Variants in FSTL4 observed in about 807,000 individuals in gnomAD.
The protein encoded by FSTL4 is follistatin like 4.
Under a neutral mutation model 78.2 loss-of-function variants are expected in FSTL4, and 28 were observed. That is an observed-to-expected ratio of 0.36 (90% CI 0.27 to 0.49). The LOEUF (loss-of-function observed/expected upper bound fraction) is 0.49, where lower values mean the gene tolerates loss of function less well. FSTL4 is among the 20% of genes least tolerant of loss of function. FSTL4 has a pLI of 0.98. For missense variants in FSTL4, 922 were observed against 1,084.9 expected, an observed-to-expected ratio of 0.85 and a Z score of 2.11; for synonymous variants, 422 against 440.5, an observed-to-expected ratio of 0.96 and a Z score of 0.53.
At chr5:133,539,067 T>C (rs1171581921) in intron 3 of FSTL4, among the ~76,000 whole-genome samples, 1 of 152,186 alleles carries the variant, frequency 6.6e-6, no homozygotes, top group Non-Finnish European at 1.5e-5. Context: ...AGGTGATGAT[T>C]TGTCATTTGT....
At chr5:133,439,645 G>A (rs141456557) in intron 3 of FSTL4, among the ~76,000 whole-genome samples, 5 of 152,286 alleles carry the variant, frequency 3.3e-5, no homozygotes, top group African/African-American at 7.2e-5. Context: ...CTCTCCCTTC[G>A]TCTAAAACAG....
chr5:133,368,458 G>A (rs574904669), intron 4 of FSTL4, among the ~76,000 whole-genome samples: 1 of 152,334 alleles, frequency 6.6e-6, no homozygotes, highest in African/African-American at 2.4e-5. Flanking sequence ...TGATCTTAAT[G>A]TCTCCTTGTG....
At chr5:133,317,172 C>T (rs910345497) in intron 4 of FSTL4, among the ~76,000 whole-genome samples, 6 of 152,050 alleles carry the variant, frequency 3.9e-5, no homozygotes, top group Non-Finnish European at 1.5e-5. Flanking sequence ...TACTTCAAAA[C>T]AAACATATAC....
In FSTL4 at chr5:133,558,591, G is replaced by T. The variant is rs1012675933; in HGVS notation, c.160+8595C>A. On this transcript the variant is annotated intron_variant, in intron 3 of 15. Coordinates refer to ENST00000265342, the MANE Select transcript of FSTL4 (RefSeq NM_015082.2). ...GACACACGCTCCCTGACTTCCTGGA[G>T]AGTTCAAAGCAACATTCAACATTTT... is the stretch of plus-strand genomic sequence containing the variant. 6.2e-4 allele frequency among the ~76,000 whole-genome samples: 94 copies of T among 152,204 alleles called. 1 individual carries two copies. In the Middle Eastern group the frequency reaches 0.01, roughly 17 times the overall value.
At chr5:133,219,945 CAAATG>C (rs1310795215) in intron 12 of FSTL4, among the ~76,000 whole-genome samples, 1 of 152,208 alleles carries the variant, frequency 6.6e-6, no homozygotes, top group Non-Finnish European at 1.5e-5. Flanking sequence ...TGAAATAACT[CAAATG>C]AAACAGCCTG....
chr5:133,637,213 C>G, the FSTL4 span, among the ~76,000 whole-genome samples: 20 of 152,022 alleles, frequency 1.3e-4, 1 homozygote, highest in Non-Finnish European at 5.9e-5. Context: ...GCTCACTTCT[C>G]TCTTCTCTGT....
intron 3 of FSTL4, among the ~76,000 whole-genome samples, chr5:133,444,095 G>A (rs916201237): frequency 1.4e-4 from 22 of 152,196 alleles, no homozygotes; most frequent in African/African-American, 4.3e-4. Flanking sequence ...CTGGATTGGT[G>A]ACTGCTGTAT....
At chr5:133,701,000 G>A in the FSTL4 span, among the ~76,000 whole-genome samples, 1 of 152,288 alleles carries the variant, frequency 6.6e-6, no homozygotes, top group African/African-American at 2.4e-5. Context: ...CGGAAAATTA[G>A]GTCCATTTTG....
At chr5:133,640,611 C>T in the FSTL4 span, among the ~76,000 whole-genome samples, 1 of 152,148 alleles carries the variant, frequency 6.6e-6, no homozygotes, top group Non-Finnish European at 1.5e-5. Context: ...CATTTCACAG[C>T]TGTAGTCTTT....
At chr5:133,209,295 T>C (rs1750627755) in intron 14 of FSTL4, among the ~76,000 whole-genome samples, 1 of 152,102 alleles carries the variant, frequency 6.6e-6, no homozygotes, top group Admixed American at 6.5e-5. Flanking sequence ...GAAGGAAGCT[T>C]CTCCAGACCC....
the FSTL4 span, among the ~76,000 whole-genome samples, chr5:133,728,271 T>C: frequency 1.3e-5 from 2 of 152,304 alleles, no homozygotes; most frequent in East Asian, 3.9e-4. Context: ...TGGTCCCCAA[T>C]GCTCAAGGAC....
chr5:133,791,807 G>A, the FSTL4 span, among the ~76,000 whole-genome samples: 1 of 152,214 alleles, frequency 6.6e-6, no homozygotes, highest in Non-Finnish European at 1.5e-5. Flanking sequence ...CGATGTGGGA[G>A]CCTGGCCCTT....
intron 3 of FSTL4, among the ~76,000 whole-genome samples, chr5:133,406,719 G>A (rs930142670): frequency 6.6e-6 from 1 of 152,214 alleles, no homozygotes; most frequent in Non-Finnish European, 1.5e-5. Context: ...ATTTACTGAG[G>A]CAGGCCCACC....
chr5:133,768,188 C>T, the FSTL4 span, among the ~76,000 whole-genome samples: 100 of 152,302 alleles, frequency 6.6e-4, 1 homozygote, highest in Middle Eastern at 3.4e-3. Context: ...ATCTCTCCAT[C>T]CAGAATGGAG....
At chr5:133,740,362 C>A in the FSTL4 span, among the ~76,000 whole-genome samples, 23 of 152,254 alleles carry the variant, frequency 1.5e-4, no homozygotes, top group Middle Eastern at 3.4e-3. Context: ...ATAAAGCAAT[C>A]CAGGCCCATT....
the FSTL4 span, among the ~76,000 whole-genome samples, chr5:133,765,681 T>C: frequency 6.6e-6 from 1 of 151,894 alleles, no homozygotes; most frequent in Non-Finnish European, 1.5e-5. Context: ...CCGAGCACAG[T>C]GGAAGAGGGA....
At chr5:133,231,228 G>A (rs545015601) in intron 8 of FSTL4, among the ~76,000 whole-genome samples, 5 of 150,918 alleles carry the variant, frequency 3.3e-5, no homozygotes, top group African/African-American at 1.2e-4. Context: ...TCTCAACTAT[G>A]CCCCATTTTT....
At chr5:133,820,698 G>C in the FSTL4 span, among the ~76,000 whole-genome samples, 3 of 152,206 alleles carry the variant, frequency 2.0e-5, no homozygotes, top group South Asian at 6.2e-4. Flanking sequence ...TTTAGCTTTC[G>C]TAAGTGTTGG....
At chr5:133,589,517 G>A (rs1054734461) in intron 2 of FSTL4, among the ~76,000 whole-genome samples, 2 of 152,092 alleles carry the variant, frequency 1.3e-5, no homozygotes, top group African/African-American at 4.8e-5. Flanking sequence ...AATAGCCAAA[G>A]GAATGTTAAT....
Sources: gnomAD v4.1 joint callset for allele counts (sites outside exome capture counted in the v4.1 genomes callset) on GRCh38, gnomAD v4.1.1 for gene constraint, MANE v1.5 for transcripts, NCBI Gene and HGNC (gene_info 2026-07-23, HGNC 2026-07-21) for gene names.